PCDH11X: variants seen among roughly 807,000 people sequenced by gnomAD.
PCDH11X encodes the protein protocadherin 11 X-linked.
PCDH11X carries 18 observed loss-of-function variants against 53.3 expected under a neutral mutation model. That is an observed-to-expected ratio of 0.34 (90% CI 0.23 to 0.50). The LOEUF (loss-of-function observed/expected upper bound fraction) is 0.50, where lower values mean the gene tolerates loss of function less well. Ranked by LOEUF, PCDH11X falls within the 20% of genes least tolerant of loss-of-function variation. The pLI, the probability that PCDH11X is intolerant of heterozygous loss-of-function variation, is 0.98. For missense variants in PCDH11X, 570 were observed against 1,032.4 expected (o/e 0.55, Z 6.14); for synonymous variants, 279 against 393.3 (o/e 0.71, Z 3.44).
At chrX:91,941,884 A>G (rs1226492461) in intron 6 of PCDH11X, among the ~76,000 whole-genome samples, 1 of 111,145 alleles carries the variant, frequency 9.0e-6, no homozygotes, top group Non-Finnish European at 1.9e-5. Flanking sequence ...TCAACTGTAT[A>G]TCAATAAGGG....
In PCDH11X at chrX:92,207,226, T is replaced by C. The variant is rs59497865; in HGVS notation, c.3114+5771T>C. ...GCAGCTGTGCAATACTTAGAGGAAG[T>C]AGAGAGGTACTCAAAAAATGGCAGT... On this transcript the variant is annotated intron_variant, in intron 7 of 10. Coordinates refer to ENST00000682573, the MANE Select transcript of PCDH11X (RefSeq NM_032968.5). 9.1e-3 allele frequency among the ~76,000 whole-genome samples: 1,011 copies of C among 111,568 alleles called. 19 individuals carry two copies. Among genetic ancestry groups the C allele is most frequent in the African/African-American group, 0.031 (963 of 30,695 alleles).
intron 10 of PCDH11X, among the ~76,000 whole-genome samples, chrX:92,590,559 G>A: frequency 9.1e-6 from 1 of 110,169 alleles, no homozygotes; most frequent in East Asian, 2.9e-4. Flanking sequence ...AACATGCTAG[G>A]CACTACCATC....
chrX:92,287,749 A>G (rs2068407763), intron 8 of PCDH11X, among the ~76,000 whole-genome samples: 4 of 111,735 alleles, frequency 3.6e-5, no homozygotes, highest in Admixed American at 2.9e-4. Flanking sequence ...ACTAAAATAG[A>G]TCTGATATGG....
At chrX:91,912,875 C>T (rs1941421187) in intron 6 of PCDH11X, among the ~76,000 whole-genome samples, 1 of 111,946 alleles carries the variant, frequency 8.9e-6, no homozygotes, top group Admixed American at 9.5e-5. Context: ...CTGTATGTTC[C>T]CAAAGTGTGA....
At chrX:92,113,195 C>A (rs1216476840) in intron 6 of PCDH11X, 2 of 1,138,433 alleles carry the variant, frequency 1.8e-6, no homozygotes, top group East Asian at 3.0e-5. Context: ...TGCTCCTCAG[C>A]CCCCCGAGAT....
chrX:92,327,639 G>T (rs1245243706), intron 8 of PCDH11X, among the ~76,000 whole-genome samples: 2 of 108,390 alleles, frequency 1.8e-5, no homozygotes, highest in Non-Finnish European at 1.9e-5. Flanking sequence ...TTCAATTATT[G>T]AAGAGATCTC....
intron 8 of PCDH11X, among the ~76,000 whole-genome samples, chrX:92,287,554 C>T (rs1257041695): frequency 1.8e-5 from 2 of 111,890 alleles, no homozygotes; most frequent in Non-Finnish European, 3.8e-5. Context: ...CTCATTCAAT[C>T]AACCAGCAAC....
chrX:91,846,793 T>G (rs1201361713), intron 5 of PCDH11X, among the ~76,000 whole-genome samples: 1 of 109,865 alleles, frequency 9.1e-6, no homozygotes, highest in African/African-American at 3.3e-5. Context: ...AAGGAATTAT[T>G]GACACTTCTT....
chrX:92,576,889 T>C (rs1923048700), intron 10 of PCDH11X, among the ~76,000 whole-genome samples: 1 of 111,814 alleles, frequency 8.9e-6, no homozygotes, highest in African/African-American at 3.2e-5. Flanking sequence ...TTTATCTGTG[T>C]AATTACTACT....
chrX:91,814,524 C>G (rs1298642297), intron 4 of PCDH11X, among the ~76,000 whole-genome samples: 1 of 101,232 alleles, frequency 9.9e-6, no homozygotes, highest in Admixed American at 1.1e-4. Context: ...ACAGAGCACA[C>G]AGTCTTTAAA....
At chrX:92,406,502 A>G (rs1285146001) in intron 9 of PCDH11X, among the ~76,000 whole-genome samples, 1 of 101,867 alleles carries the variant, frequency 9.8e-6, no homozygotes, top group Non-Finnish European at 2.0e-5. Context: ...AGGAATGTGC[A>G]AGTTTTATTA....
intron 8 of PCDH11X, among the ~76,000 whole-genome samples, chrX:92,289,292 G>A (rs2068445092): frequency 9.0e-6 from 1 of 111,005 alleles, no homozygotes. Context: ...TATATCTACT[G>A]TCTTCTCAAT....
chrX:92,169,906 T>A (rs764011775), intron 6 of PCDH11X, among the ~76,000 whole-genome samples: 1 of 111,135 alleles, frequency 9.0e-6, no homozygotes, highest in African/African-American at 3.3e-5. Flanking sequence ...TATAGGTTAA[T>A]ATTAACTGTA....
intron 9 of PCDH11X, among the ~76,000 whole-genome samples, chrX:92,409,290 G>A (rs1352598800): frequency 3.6e-5 from 4 of 111,702 alleles, no homozygotes; most frequent in African/African-American, 6.5e-5. Flanking sequence ...TTCAGCAGAG[G>A]ACAATCTTGT....
chrX:92,441,866 G>A (rs1264451975), intron 9 of PCDH11X, among the ~76,000 whole-genome samples: 2 of 110,347 alleles, frequency 1.8e-5, no homozygotes, highest in Non-Finnish European at 3.8e-5. Context: ...GCCTGGAAAA[G>A]CCACAAACAC....
rs144155820 is a variant in PCDH11X at position 92,079,249 on chromosome X, G to T, written c.3034-122126G>T. Among the ~76,000 whole-genome samples, 24 of 111,626 alleles carry T rather than the reference G, an allele frequency of 2.2e-4. No individual in the cohort carries two copies. In the South Asian group the frequency reaches 9.0e-3, roughly 42 times the overall value. ...TGAAGATTCTGTATTTGCAAATGCC[G>T]CTACTCTCTAAAATTTACTTGTAAC... On this transcript the variant is annotated intron_variant, in intron 6 of 10. Transcript: ENST00000682573.
intron 6 of PCDH11X, among the ~76,000 whole-genome samples, chrX:91,926,259 G>A (rs1216042335): frequency 9.1e-6 from 1 of 109,911 alleles, no homozygotes; most frequent in East Asian, 2.9e-4. Flanking sequence ...CCATCTGCTG[G>A]AGAATTCCTT....
chrX:92,175,120 C>CA (rs1257763175), intron 6 of PCDH11X, among the ~76,000 whole-genome samples: 1 of 110,807 alleles, frequency 9.0e-6, no homozygotes, highest in Non-Finnish European at 1.9e-5. Flanking sequence ...GGATTACAGG[C>CA]ATGCACCACC....
At chrX:92,037,104 C>T (rs2063137804) in intron 6 of PCDH11X, among the ~76,000 whole-genome samples, 1 of 111,587 alleles carries the variant, frequency 9.0e-6, no homozygotes, top group South Asian at 3.8e-4. Context: ...AGATTCATTA[C>T]ATAGGTATAC....
Sources: allele counts gnomAD v4.1 joint callset (sites outside exome capture counted in the v4.1 genomes callset), GRCh38; gene constraint gnomAD v4.1.1; transcripts MANE v1.5; gene names NCBI Gene and HGNC (gene_info 2026-07-23, HGNC 2026-07-21).